LRRC49: variants seen among roughly 807,000 people sequenced by gnomAD.
LRRC49 encodes leucine-rich repeat-containing protein 49.
In LRRC49, 50 loss-of-function variants were observed where a neutral mutation model predicts 83.3. The observed-to-expected ratio is 0.60, with a 90% confidence interval of 0.48 to 0.76. LRRC49 has a LOEUF of 0.76. Among genes scored for constraint, LRRC49 ranks in the 30% least tolerant of loss-of-function variants. The pLI is 0.00. For missense variants in LRRC49, 704 were observed against 809.1 expected (o/e 0.87, Z 1.58); for synonymous variants, 286 against 283.3 (o/e 1.01, Z -0.10).
chr15:70,956,843 T>C (rs2036418530), intron 8 of LRRC49, among the ~76,000 whole-genome samples: 1 of 152,200 alleles, frequency 6.6e-6, no homozygotes, highest in South Asian at 2.1e-4. Flanking sequence ...ATAAAACTAT[T>C]CAAAGCATAA....
Position 71,049,754 on chromosome 15 carries a change from C to A in LRRC49, c.*142C>A. The A allele has an allele frequency of 1.7e-6, 1 of 582,972 alleles. No individual in the cohort carries two copies. Among genetic ancestry groups the A allele is most frequent in the African/African-American group, 1.9e-5 (1 of 52,788 alleles). The allele number at this position is 582,972 out of a possible 1,614,324, so 36.1% of individuals were successfully genotyped here. A position where few individuals can be genotyped will look rare whatever the true frequency, so the allele number is the denominator to read the frequency against. ...TAAAAGCATTATTGCCCACTGTTCTCATAGCTAAAAGTTAAGAAGGAAGGA... is the reference window on the plus strand; with the variant it reads ...TAAAAGCATTATTGCCCACTGTTCTAATAGCTAAAAGTTAAGAAGGAAGGA... On this transcript the variant is annotated 3_prime_UTR_variant, in exon 16 of 16. Coordinates refer to ENST00000260382, the MANE Select transcript of LRRC49 (RefSeq NM_017691.5).
chr15:70,890,276 ATGTT>A (rs2033519175), upstream of LRRC49, among the ~76,000 whole-genome samples: 1 of 152,134 alleles, frequency 6.6e-6, no homozygotes, highest in African/African-American at 2.4e-5. Context: ...GTGGATGTAT[ATGTT>A]TGGGCAAAGT....
At chr15:70,916,524 A>C (rs2034781995) in intron 6 of LRRC49, among the ~76,000 whole-genome samples, 1 of 152,060 alleles carries the variant, frequency 6.6e-6, no homozygotes, top group Non-Finnish European at 1.5e-5. Context: ...CAAACTCCTG[A>C]CCTCAAGTGA....
intron 5 of LRRC49, among the ~76,000 whole-genome samples, chr15:70,909,690 T>G (rs933386895): frequency 6.6e-6 from 1 of 151,928 alleles, no homozygotes; most frequent in African/African-American, 2.4e-5. Context: ...ACTACAACAA[T>G]TAGCAGGGTG....
In LRRC49 at chr15:70,858,620, A is replaced by G. The variant is rs907253177; in HGVS notation, c.-299+5151A>G. ...CTTGGTCTCAATTAAAAACAAAACAAAACAAACAAAAAAAGGACCAAGAAG... is the reference window on the plus strand; with the variant it reads ...CTTGGTCTCAATTAAAAACAAAACAGAACAAACAAAAAAAGGACCAAGAAG... On this transcript the variant is annotated intron_variant, in intron 1 of 16. Coordinates refer to the LRRC49 transcript ENST00000544974. The G allele has an allele frequency of 1.3e-5, 7 of 525,648 alleles. 1 individual carries two copies. In the South Asian group the frequency reaches 2.3e-4, roughly 17 times the overall value. The allele number at this position is 525,648 out of a possible 1,614,324, so 32.6% of individuals were successfully genotyped here. A position where few individuals can be genotyped will look rare whatever the true frequency, so the allele number is the denominator to read the frequency against.
At chr15:70,891,786 G>A (rs2033581886), upstream of LRRC49, 1 of 1,418,036 alleles carries the variant, frequency 7.1e-7, no homozygotes, top group South Asian at 1.4e-5. Context: ...GACACTAAGT[G>A]GAGGAGCCCA....
intron 2 of LRRC49, among the ~76,000 whole-genome samples, chr15:70,877,513 G>C (rs1350232719): frequency 6.6e-6 from 1 of 152,114 alleles, no homozygotes; most frequent in East Asian, 1.9e-4. Flanking sequence ...ATTAATCCAG[G>C]TTGTTTTGTA....
chr15:70,893,875 T>G (rs1466774680), intron 2 of LRRC49, among the ~76,000 whole-genome samples: 3 of 152,070 alleles, frequency 2.0e-5, no homozygotes, highest in African/African-American at 7.2e-5. Flanking sequence ...TTTGTTTTTT[T>G]TTTTTGACAT....
At chr15:71,018,299 A>G (rs953771571) in intron 14 of LRRC49, among the ~76,000 whole-genome samples, 2 of 152,188 alleles carry the variant, frequency 1.3e-5, no homozygotes, top group African/African-American at 4.8e-5. Flanking sequence ...AGTGCTTTTC[A>G]GGTTTTATTC....
intron 2 of LRRC49, among the ~76,000 whole-genome samples, chr15:70,886,402 T>C (rs2033408248): frequency 6.6e-6 from 1 of 152,006 alleles, no homozygotes; most frequent in Non-Finnish European, 1.5e-5. Context: ...ACATTCACCA[T>C]AAAAATTCTG....
intron 7 of LRRC49, among the ~76,000 whole-genome samples, chr15:70,930,642 G>C (rs1406196971): frequency 6.6e-6 from 1 of 152,186 alleles, no homozygotes; most frequent in African/African-American, 2.4e-5. Flanking sequence ...CCAATAGAAG[G>C]CTGTTTCTCT....
intron 11 of LRRC49, among the ~76,000 whole-genome samples, chr15:71,001,353 A>G (rs2038246694): frequency 6.6e-6 from 1 of 152,118 alleles, no homozygotes; most frequent in Non-Finnish European, 1.5e-5. Context: ...GACCTTTTGC[A>G]GATCTTCAAT....
chr15:71,047,506 C>T (rs778927783), intron 15 of LRRC49, among the ~76,000 whole-genome samples: 12 of 152,196 alleles, frequency 7.9e-5, no homozygotes, highest in Non-Finnish European at 1.3e-4. Context: ...TGTATAGAAA[C>T]GCTACTGAAT....
rs974046312 is a variant in LRRC49 at position 70,855,266 on chromosome 15, C to T, written c.-299+1797C>T. 2.0e-5 allele frequency among the ~76,000 whole-genome samples: 3 copies of T among 146,904 alleles called. No individual in the cohort carries two copies. The East Asian group carries it at 6.0e-4, about 29-fold the overall frequency. On this transcript the variant is annotated intron_variant, in intron 1 of 16. Transcript: ENST00000544974. Reference sequence around the variant, plus strand: ...AGGAGAATCACTTGAACCTGGGAAGCAGAGGTTGTGGTGAGCCGAGATTGT... The same window carrying T: ...AGGAGAATCACTTGAACCTGGGAAGTAGAGGTTGTGGTGAGCCGAGATTGT...
intron 2 of LRRC49, among the ~76,000 whole-genome samples, chr15:70,874,697 G>T (rs1206323101): frequency 1.3e-5 from 2 of 152,142 alleles, no homozygotes; most frequent in African/African-American, 4.8e-5. Context: ...CACCTTCAGG[G>T]AATCTAGAAA....
intron 7 of LRRC49, chr15:70,936,531 C>T (rs1026217939): frequency 9.1e-6 from 4 of 437,642 alleles, no homozygotes; most frequent in African/African-American, 7.9e-5. Flanking sequence ...CTCCCTGTCT[C>T]CTCAGTGCTT....
At chr15:70,864,424 C>G (rs945735805) in intron 1 of LRRC49, among the ~76,000 whole-genome samples, 4 of 151,854 alleles carry the variant, frequency 2.6e-5, no homozygotes, top group African/African-American at 9.7e-5. Context: ...CTGGAGTTCC[C>G]AAGGGGAGAG....
At chr15:70,989,125 T>C in intron 11 of LRRC49, among the ~76,000 whole-genome samples, 1 of 152,288 alleles carries the variant, frequency 6.6e-6, no homozygotes, top group Non-Finnish European at 1.5e-5. Flanking sequence ...TTGGAGTTGC[T>C]CTTCTCGAGG....
chr15:70,862,492 C>T (rs536446379), intron 1 of LRRC49, among the ~76,000 whole-genome samples: 4 of 149,416 alleles, frequency 2.7e-5, no homozygotes, highest in South Asian at 4.3e-4. Context: ...GCAGGAGAAT[C>T]GCTTGAACCC....
Sources: allele counts gnomAD v4.1 joint callset (sites outside exome capture counted in the v4.1 genomes callset), GRCh38; gene constraint gnomAD v4.1.1; transcripts MANE v1.5; gene names NCBI Gene and HGNC (gene_info 2026-07-23, HGNC 2026-07-21).